The following ABTB3 variants were observed in gnomAD, a reference collection of about 807,000 sequenced individuals.
The protein encoded by ABTB3 is ankyrin repeat- and BTB/POZ domain-containing protein 3.
the ABTB3 span, among the ~76,000 whole-genome samples, chr12:107,328,016 C>T: frequency 1.3e-5 from 2 of 152,114 alleles, no homozygotes; most frequent in East Asian, 1.9e-4. Flanking sequence ...CAATTCCTTC[C>T]GCATTCCAAT....
At chr12:107,319,275 G>T in the ABTB3 span, 2 of 1,547,158 alleles carry the variant, frequency 1.3e-6, no homozygotes, top group Non-Finnish European at 1.7e-6. Flanking sequence ...CTGCGTTCGC[G>T]GGATCCCCGG....
the ABTB3 span, among the ~76,000 whole-genome samples, chr12:107,591,152 A>C: frequency 2.0e-5 from 3 of 152,336 alleles, no homozygotes; most frequent in South Asian, 6.2e-4. Context: ...ATCACCCTAC[A>C]AAAGTTTAAG....
chr12:107,401,180 C>T, the ABTB3 span, among the ~76,000 whole-genome samples: 1 of 152,152 alleles, frequency 6.6e-6, no homozygotes, highest in South Asian at 2.1e-4. Flanking sequence ...GCAATATTTT[C>T]TCTGCCTATT....
At chr12:107,369,474 T>G in the ABTB3 span, among the ~76,000 whole-genome samples, 4 of 149,510 alleles carry the variant, frequency 2.7e-5, no homozygotes, top group East Asian at 8.1e-4. Flanking sequence ...CTTGGCTCAC[T>G]GCAACCTCTG....
At chr12:107,546,324 T>C in the ABTB3 span, among the ~76,000 whole-genome samples, 1 of 152,112 alleles carries the variant, frequency 6.6e-6, no homozygotes. Flanking sequence ...ACTAAAGCCA[T>C]CATCTCTCCC....
the ABTB3 span, among the ~76,000 whole-genome samples, chr12:107,384,923 C>T: frequency 1.3e-5 from 2 of 152,168 alleles, no homozygotes; most frequent in African/African-American, 2.4e-5. Flanking sequence ...GAAACCAAGG[C>T]GATAGCTTGG....
At chr12:107,579,636 A>G in the ABTB3 span, among the ~76,000 whole-genome samples, 4 of 152,186 alleles carry the variant, frequency 2.6e-5, no homozygotes, top group Non-Finnish European at 5.9e-5. Context: ...TGACATCTGC[A>G]TTTCTCAAGG....
At chr12:107,328,667 T>C in the ABTB3 span, among the ~76,000 whole-genome samples, 30 of 152,336 alleles carry the variant, frequency 2.0e-4, no homozygotes, top group East Asian at 5.8e-3. Context: ...CCCATTGTGC[T>C]GAGGAAGAAA....
the ABTB3 span, among the ~76,000 whole-genome samples, chr12:107,441,977 A>G: frequency 3.3e-5 from 5 of 152,066 alleles, no homozygotes; most frequent in Non-Finnish European, 7.4e-5. Context: ...AAAAAGTGTC[A>G]TCTGGTATCT....
At chr12:107,552,073 A>C in the ABTB3 span, among the ~76,000 whole-genome samples, 1 of 152,160 alleles carries the variant, frequency 6.6e-6, no homozygotes, top group Non-Finnish European at 1.5e-5. Context: ...TTTCAGAAAA[A>C]TCAGTGAGAA....
the ABTB3 span, among the ~76,000 whole-genome samples, chr12:107,432,525 T>C: frequency 6.6e-6 from 1 of 152,180 alleles, no homozygotes; most frequent in Non-Finnish European, 1.5e-5. Context: ...AAGTAGCAGA[T>C]ATGGGCCATT....
At chr12:107,576,056 T>A in the ABTB3 span, among the ~76,000 whole-genome samples, 3 of 152,212 alleles carry the variant, frequency 2.0e-5, no homozygotes, top group African/African-American at 4.8e-5. Flanking sequence ...ACCACAGCAC[T>A]GTACAATCTT....
At chr12:107,625,323 T>C in the ABTB3 span, among the ~76,000 whole-genome samples, 1 of 152,252 alleles carries the variant, frequency 6.6e-6, no homozygotes, top group Non-Finnish European at 1.5e-5. Flanking sequence ...CATTGATTTA[T>C]GTTTTTATTC....
chr12:107,321,631 A>T, the ABTB3 span, among the ~76,000 whole-genome samples: 11 of 16,150 alleles, frequency 6.8e-4, no homozygotes, highest in Non-Finnish European at 1.2e-3. Context: ...ACACACACAC[A>T]TCCTGAAATA....
the ABTB3 span, among the ~76,000 whole-genome samples, chr12:107,337,570 G>A: frequency 1.3e-5 from 2 of 152,142 alleles, no homozygotes; most frequent in Non-Finnish European, 2.9e-5. Flanking sequence ...TAGTTCCACC[G>A]CACAATTGAG....
chr12:107,584,967 T>C, the ABTB3 span, among the ~76,000 whole-genome samples: 7,836 of 152,274 alleles, frequency 0.051, 666 homozygotes, highest in African/African-American at 0.18. Context: ...TTCTCCCTTT[T>C]TTTTTTCCTG....
At chr12:107,496,545 C>T in the ABTB3 span, among the ~76,000 whole-genome samples, 1 of 152,164 alleles carries the variant, frequency 6.6e-6, no homozygotes, top group Non-Finnish European at 1.5e-5. Context: ...ACATTGAGAG[C>T]TTGTCTGGGG....
At chr12:107,347,167 TC>T in the ABTB3 span, among the ~76,000 whole-genome samples, 1 of 152,174 alleles carries the variant, frequency 6.6e-6, no homozygotes, top group Non-Finnish European at 1.5e-5. Context: ...ACTGAAGTAG[TC>T]CTCCTAACTT....
At chr12:107,556,391 A>G in the ABTB3 span, among the ~76,000 whole-genome samples, 307 of 152,000 alleles carry the variant, frequency 2.0e-3, 2 homozygotes, top group African/African-American at 7.1e-3. Context: ...CCACCACACT[A>G]TTGCCCTATC....
Sources: allele counts gnomAD v4.1 joint callset (sites outside exome capture counted in the v4.1 genomes callset), GRCh38; gene constraint gnomAD v4.1.1; transcripts MANE v1.5; gene names NCBI Gene and HGNC (gene_info 2026-07-23, HGNC 2026-07-21).